SCN2A: variants seen among roughly 807,000 people sequenced by gnomAD.
The protein encoded by SCN2A is sodium channel protein type 2 subunit alpha.
SCN2A carries 20 observed loss-of-function variants against 188.7 expected under a neutral mutation model. That is an observed-to-expected ratio of 0.11 (90% confidence interval 0.07 to 0.15). The LOEUF is 0.15. SCN2A is among the 10% of genes least tolerant of loss of function. The pLI is 1.00. For synonymous variants in SCN2A, 804 were observed against 833.1 expected, an observed-to-expected ratio of 0.97 and a Z score of 0.60; for missense variants, 1,278 against 2,445.0, an observed-to-expected ratio of 0.52 and a Z score of 10.07.
intron 11 of SCN2A, among the ~76,000 whole-genome samples, chr2:165,316,805 A>G (rs923434940): frequency 2.0e-5 from 3 of 152,146 alleles, no homozygotes; most frequent in Non-Finnish European, 4.4e-5. Context: ...TATTATTTTC[A>G]TTACTATAAT....
intron 14 of SCN2A, among the ~76,000 whole-genome samples, chr2:165,333,575 A>G (rs1698815697): frequency 6.6e-6 from 1 of 151,928 alleles, no homozygotes; most frequent in Non-Finnish European, 1.5e-5. Flanking sequence ...ATGTCATGAG[A>G]GAAATTAGAA....
At chr2:165,380,897 C>T (rs867366349) in intron 24 of SCN2A, 168 bp downstream of exon 24, 20 of 703,544 alleles carry the variant, frequency 2.8e-5, no homozygotes, top group Middle Eastern at 8.1e-4. Flanking sequence ...ATTCAGATAG[C>T]ATGTTTTTGA....
chr2:165,259,490 G>A (rs530456276), intron 1 of SCN2A, among the ~76,000 whole-genome samples: 161 of 152,324 alleles, frequency 1.1e-3, no homozygotes, highest in African/African-American at 3.8e-3. Context: ...TTATCAACAA[G>A]TTTATGTAAT....
At chr2:165,365,994 A>G (rs1032160916) in intron 18 of SCN2A, among the ~76,000 whole-genome samples, 5 of 152,088 alleles carry the variant, frequency 3.3e-5, no homozygotes, top group Admixed American at 1.3e-4. Flanking sequence ...TTTGACTCCT[A>G]TTTCCTTCTG....
chr2:165,372,143 T>G (rs1351390960), intron 20 of SCN2A: 1 of 152,162 alleles, frequency 6.6e-6, no homozygotes, highest in Non-Finnish European at 1.5e-5. Flanking sequence ...TCATGATAAT[T>G]CAGTAACTAT....
At chr2:165,302,760 C>G (rs1696890066) in intron 3 of SCN2A, among the ~76,000 whole-genome samples, 1 of 152,150 alleles carries the variant, frequency 6.6e-6, no homozygotes, top group Admixed American at 6.5e-5. Flanking sequence ...GCTTCATCCT[C>G]GCTCCACGGA....
At chr2:165,286,540 G>A (rs1695839615) in intron 1 of SCN2A, among the ~76,000 whole-genome samples, 1 of 152,142 alleles carries the variant, frequency 6.6e-6, no homozygotes, top group Non-Finnish European at 1.5e-5. Flanking sequence ...ATGTTGGAAG[G>A]AAGGGCCAGA....
At chr2:165,295,370 T>C (rs1010492370) in intron 1 of SCN2A, among the ~76,000 whole-genome samples, 2 of 152,240 alleles carry the variant, frequency 1.3e-5, no homozygotes, top group African/African-American at 4.8e-5. Context: ...TTTAATATGA[T>C]GTTTCATCTC....
chr2:165,361,669 G>C (rs1431464513), intron 17 of SCN2A, among the ~76,000 whole-genome samples: 1 of 152,032 alleles, frequency 6.6e-6, no homozygotes, highest in Non-Finnish European at 1.5e-5. Flanking sequence ...CAGATCCTGT[G>C]CTGCTCCGCT....
chr2:165,347,374 T>A (rs1699652758), intron 16 of SCN2A, among the ~76,000 whole-genome samples: 1 of 150,762 alleles, frequency 6.6e-6, no homozygotes, highest in African/African-American at 2.4e-5. Flanking sequence ...TTCTCACTCA[T>A]AAGTGGGAGT....
At chr2:165,371,302 G>C (rs553108601) in intron 20 of SCN2A, 1 of 152,304 alleles carries the variant, frequency 6.6e-6, no homozygotes, top group East Asian at 1.9e-4. Flanking sequence ...TATTATGATA[G>C]TATATGAAAC....
rs140417984 is a variant in SCN2A at position 165,389,563 on chromosome 2, C to T, written c.5757C>T (p.Tyr1919=). The T allele has an allele frequency of 1.4e-4, 221 of 1,613,902 alleles. 2 individuals carry two copies. In the African/African-American group the frequency reaches 2.5e-3, roughly 19 times the overall value. Residue 1919 remains tyrosine, a synonymous_variant, in exon 27 of 27, where the codon TAC becomes TAT. Coordinates refer to ENST00000375437, the MANE Select transcript of SCN2A (RefSeq NM_001040142.2). The surrounding 1 kb of genome is among the most constrained non-coding windows in gnomAD (Gnocchi z 4.2). ...TTATCCAGAGGGCTTACAGACGCTACCTCTTGAAGCAAAAAGTTAAAAAGG... is the reference window on the plus strand; with the variant it reads ...TTATCCAGAGGGCTTACAGACGCTATCTCTTGAAGCAAAAAGTTAAAAAGG... ...AIIIQRAYRR[Y]LLKQKVKKVS... is the part of the protein sequence containing the mutation.
intron 12 of SCN2A, among the ~76,000 whole-genome samples, chr2:165,323,918 A>G (rs576879554): frequency 9.8e-5 from 15 of 152,332 alleles, no homozygotes; most frequent in South Asian, 6.2e-4. Flanking sequence ...AGTAGATACT[A>G]TTACTAAATA....
chr2:165,385,951 T>C (rs1701845717), intron 25 of SCN2A, among the ~76,000 whole-genome samples: 2 of 152,212 alleles, frequency 1.3e-5, no homozygotes, highest in African/African-American at 4.8e-5. Context: ...GATGGTGTTC[T>C]GTGCACTGAG....
chr2:165,325,264 G>C (rs1027101349), intron 12 of SCN2A, among the ~76,000 whole-genome samples: 1 of 152,192 alleles, frequency 6.6e-6, no homozygotes, highest in African/African-American at 2.4e-5. Context: ...TGAAGGCAAA[G>C]TTGGGGCCAG....
chr2:165,245,989 C>T (rs1241661279), intron 1 of SCN2A, among the ~76,000 whole-genome samples: 1 of 152,060 alleles, frequency 6.6e-6, no homozygotes, highest in East Asian at 1.9e-4. Context: ...AGTTATATCA[C>T]CAGGAATGAT....
At chr2:165,330,337 T>A (rs963203252) in intron 13 of SCN2A, among the ~76,000 whole-genome samples, 1 of 152,204 alleles carries the variant, frequency 6.6e-6, no homozygotes, top group African/African-American at 2.4e-5. Flanking sequence ...CACTCATAAG[T>A]TGATGAAGAG....
At chr2:165,382,080 G>A (rs950193847) in intron 25 of SCN2A, among the ~76,000 whole-genome samples, 10 of 151,942 alleles carry the variant, frequency 6.6e-5, no homozygotes, top group African/African-American at 2.4e-4. Flanking sequence ...CTAGTCTTTA[G>A]GAAATAATAC....
chr2:165,375,507 T>C (rs953541956), intron 22 of SCN2A, among the ~76,000 whole-genome samples: 3 of 151,744 alleles, frequency 2.0e-5, no homozygotes, highest in Non-Finnish European at 4.4e-5. Flanking sequence ...GAAACAGTGT[T>C]TGTGTATGTG....
Sources: gnomAD v4.1 joint callset for allele counts (sites outside exome capture counted in the v4.1 genomes callset) on GRCh38, gnomAD v4.1.1 for gene constraint, Gnocchi (gnomAD v3.1) non-coding constraint, MANE v1.5 for transcripts, NCBI Gene and HGNC (gene_info 2026-07-23, HGNC 2026-07-21) for gene names.